The following PLA2G3 variants were observed in gnomAD, a reference collection of about 807,000 sequenced individuals.
The protein encoded by PLA2G3 is group 3 secretory phospholipase A2.
A neutral mutation model predicts 51.3 loss-of-function variants in PLA2G3; 39 were observed. That is an observed-to-expected ratio of 0.76 (90% confidence interval 0.59 to 0.99). The LOEUF is 0.99. Among genes scored for constraint, PLA2G3 ranks in the 50% least tolerant of loss-of-function variants. The pLI, the probability that PLA2G3 is intolerant of heterozygous loss-of-function variation, is 0.00. For missense variants in PLA2G3, 677 were observed against 662.1 expected (o/e 1.02, Z -0.25); for synonymous variants, 293 against 263.1 (o/e 1.11, Z -1.10).
In PLA2G3 at chr22:31,139,935, AG is replaced by A; in HGVS notation, c.419del (p.Pro140LeufsTer213). 6.2e-7 allele frequency: 1 copy of A among 1,613,758 alleles called. No homozygotes were observed. Among genetic ancestry groups the A allele is most frequent in the Non-Finnish European group, 8.5e-7 (1 of 1,179,968 alleles). The part of the protein sequence containing the change: ...KKRAAGQSGV[P>X]GGGHQREKRG... The stretch of plus-strand genomic sequence containing the variant: ...TCTTCTCTCGCTGGTGCCCTCCACC[AG>A]GGACTCCACTCTGCCCTGCTGCTCG... On this transcript the variant is annotated frameshift_variant, in exon 1 of 7. Transcript: ENST00000215885. LOFTEE classifies it high-confidence loss of function.
chr22:31,136,497 G>A (rs182452308), intron 6 of PLA2G3, among the ~76,000 whole-genome samples, 186 bp downstream of exon 6: 344 of 152,258 alleles, frequency 2.3e-3, no homozygotes, highest in Admixed American at 3.6e-3. Flanking sequence ...GCCAAGATGC[G>A]ACCCATAGAG....
At chr22:31,138,543 C>A (rs1438320895) in intron 2 of PLA2G3, 124 bp downstream of exon 2, 2 of 1,500,900 alleles carry the variant, frequency 1.3e-6, no homozygotes, top group Middle Eastern at 1.8e-4. Context: ...GCTTTCCTAC[C>A]TGCACTGTGG....
intron 1 of PLA2G3, 64 bp from the exon 2 acceptor site, chr22:31,138,863 T>C: frequency 6.4e-7 from 1 of 1,562,736 alleles, no homozygotes; most frequent in Non-Finnish European, 8.8e-7. Context: ...GCACCAGCTA[T>C]GCCCCCCTGG....
chr22:31,138,179 C>G, intron 3 of PLA2G3, 97 bp downstream of exon 3: 1 of 1,471,150 alleles, frequency 6.8e-7, no homozygotes, highest in East Asian at 2.4e-5. Context: ...GGACATCATT[C>G]CCTGGAAGAC....
Position 31,140,017 on chromosome 22 carries a change from C to G in PLA2G3, c.338G>C (p.Ser113Thr). The change falls in exon 1 of 7, where the codon AGT becomes ACT. Residue 113 changes from serine to threonine, a missense_variant. Transcript: ENST00000215885. ...AAGCGCTCGGCATGCCTCCCACTGA[C>G]TCTGAAGAGTGGCCAGTGCTCTCTG... Reference protein sequence around the residue: ...ELQRALATLQSQWEACRALEE... With the variant: ...ELQRALATLQTQWEACRALEE... 1.2e-6 allele frequency: 2 copies of G among 1,613,846 alleles called. No individual in the cohort carries two copies.
In PLA2G3 at chr22:31,140,017, C is replaced by T. The variant is rs773358930; in HGVS notation, c.338G>A (p.Ser113Asn). 6.2e-7 allele frequency: 1 copy of T among 1,613,846 alleles called. No homozygotes were observed. Among genetic ancestry groups the T allele is most frequent in the Non-Finnish European group, 8.5e-7 (1 of 1,180,048 alleles). Reference protein sequence around the residue: ...ELQRALATLQSQWEACRALEE... With the variant: ...ELQRALATLQNQWEACRALEE... ...AAGCGCTCGGCATGCCTCCCACTGACTCTGAAGAGTGGCCAGTGCTCTCTG... is the reference window on the plus strand; with the variant it reads ...AAGCGCTCGGCATGCCTCCCACTGATTCTGAAGAGTGGCCAGTGCTCTCTG... Residue 113 changes from serine to asparagine, a missense_variant, in exon 1 of 7, where the codon AGT becomes AAT. Transcript: ENST00000215885.
chr22:31,136,670 T>G lies in PLA2G3; in HGVS notation c.1316+13A>C. 6 of 1,606,704 alleles carry G rather than the reference T, an allele frequency of 3.7e-6. No homozygotes were observed. Among genetic ancestry groups the G allele is most frequent in the Non-Finnish European group, 5.1e-6 (6 of 1,173,530 alleles). ...GAAAACCCCCCATCCCTCCTGGCTCTGACATCACTTACTTTTTGCCTTCCA... is the reference window on the plus strand; with the variant it reads ...GAAAACCCCCCATCCCTCCTGGCTCGGACATCACTTACTTTTTGCCTTCCA... On this transcript the variant is annotated intron_variant, in intron 6 of 6. Coordinates refer to ENST00000215885, the MANE Select transcript of PLA2G3 (RefSeq NM_015715.5).
In PLA2G3 at chr22:31,137,985, A is replaced by G; in HGVS notation, c.791T>C (p.Met264Thr). The G allele has an allele frequency of 6.5e-7, 1 of 1,549,120 alleles. No individual in the cohort carries two copies. The highest frequency in any genetic ancestry group is 8.7e-7 in the Non-Finnish European group (1 of 1,152,326). ...VAWYWWGGCR[M>T]YGTVPLARLQ... ...GCGAGCGAGGGGCACTGTGCCGTAC[A>G]TCCTACACCTGGGTGGTGGCAGTTG... The change falls in exon 4 of 7, where the codon ATG becomes ACG. Residue 264 changes from methionine to threonine, a missense_variant. Physicochemically the swap from Met to Thr is moderately conservative, Grantham distance 81. Coordinates refer to ENST00000215885, the MANE Select transcript of PLA2G3 (RefSeq NM_015715.5).
At chr22:31,137,076 CCA>C (rs1036870796) in intron 4 of PLA2G3, 36 bp from the exon 5 acceptor site, 1 of 1,480,486 alleles carries the variant, frequency 6.8e-7, no homozygotes, top group African/African-American at 1.4e-5. Flanking sequence ...GGAGCCCAAT[CCA>C]CCAGGGAGGC....
At chr22:31,138,620 ACT>A (rs758617786) in intron 2 of PLA2G3, 45 bp downstream of exon 2, 139 of 1,608,898 alleles carry the variant, frequency 8.6e-5, no homozygotes, top group Non-Finnish European at 2.4e-5. Context: ...GAACTGGGTA[ACT>A]CTGCCCTGTC....
At chr22:31,138,903 C>G in intron 1 of PLA2G3, 104 bp from the exon 2 acceptor site, 1 of 1,151,798 alleles carries the variant, frequency 8.7e-7, no homozygotes, top group Non-Finnish European at 1.3e-6. Context: ...TGGTTCTCAC[C>G]CCAGCCCTGA....
At chr22:31,139,807 G>C in intron 1 of PLA2G3, 34 bp downstream of exon 1, 3 of 1,505,936 alleles carry the variant, frequency 2.0e-6, no homozygotes, top group Non-Finnish European at 2.7e-6. Flanking sequence ...TTCCCCGATC[G>C]GACCCCCCAG....
chr22:31,140,450 C>T lies in PLA2G3; in HGVS notation c.-96G>A. 4 of 1,395,546 alleles carry T rather than the reference C, an allele frequency of 2.9e-6. No homozygotes were observed. In the South Asian group the frequency reaches 4.2e-5, roughly 15 times the overall value. The allele number at this position is 1,395,546 out of a possible 1,614,324, so 86.4% of individuals were successfully genotyped here. On this transcript the variant is annotated 5_prime_UTR_variant, in exon 1 of 7. Transcript: ENST00000215885. ...GCTGAGCAGTGGAACGGAAGCGGAG[C>T]CCAGCAGGCCCGGTGCGGCGGGACC...
Position 31,139,960 on chromosome 22 carries a change from C to A in PLA2G3, c.395G>T (p.Arg132Leu). 6.2e-7 allele frequency: 1 copy of A among 1,614,010 alleles called. No homozygotes were observed. The highest frequency in any genetic ancestry group is 8.5e-7 in the Non-Finnish European group (1 of 1,180,010). The change falls in exon 1 of 7, where the codon CGA (arginine) becomes CTA (leucine). Residue 132 changes from arginine to leucine, a missense_variant. Physicochemically the swap from Arg to Leu is moderately radical, Grantham distance 102. Transcript: ENST00000215885. The stretch of plus-strand genomic sequence containing the variant: ...AGGGACTCCACTCTGCCCTGCTGCT[C>A]GCTTCTTCCTGGCCCCTGCTGGACT... The part of the protein sequence containing the change: ...EESPAGARKK[R>L]AAGQSGVPGG...
Position 31,140,004 on chromosome 22 carries a change from T to A in PLA2G3, c.351A>T (p.Ala117=). The A allele has an allele frequency of 6.2e-7, 1 of 1,613,788 alleles. No homozygotes were observed. The highest frequency in any genetic ancestry group is 8.5e-7 in the Non-Finnish European group (1 of 1,180,034). The change falls in exon 1 of 7, where the codon GCA becomes GCT. Residue 117 remains alanine (A), a synonymous_variant. Transcript: ENST00000215885. ...ALATLQSQWE[A]CRALEESPAG... is the part of the protein sequence containing the mutation. ...CTGGACTCTCCTCAAGCGCTCGGCATGCCTCCCACTGACTCTGAAGAGTGG... is the reference window on the plus strand; with the variant it reads ...CTGGACTCTCCTCAAGCGCTCGGCAAGCCTCCCACTGACTCTGAAGAGTGG...
intron 6 of PLA2G3, 89 bp from the exon 7 acceptor site, chr22:31,136,025 A>G: frequency 1.8e-6 from 2 of 1,121,692 alleles, no homozygotes; most frequent in Non-Finnish European, 2.6e-6. Flanking sequence ...CCAGAGAGAG[A>G]GGGGGCTGGG....
chr22:31,136,834 C>A, intron 5 of PLA2G3, 35 bp from the exon 6 acceptor site: 2 of 1,602,166 alleles, frequency 1.2e-6, no homozygotes, highest in Admixed American at 1.8e-5. Flanking sequence ...CGGGGCAGGG[C>A]CTTGCCAGCC....
At position 31,135,594 on chromosome 22, in the gene PLA2G3, C is replaced by G; in HGVS notation, c.*129G>C. 1.4e-6 allele frequency: 1 copy of G among 719,150 alleles called. No homozygotes were observed. The highest frequency in any genetic ancestry group is 2.4e-6 in the Non-Finnish European group (1 of 411,238). 44.5% of individuals were successfully genotyped at this position (719,150 alleles called of 1,614,324 possible). On this transcript the variant is annotated 3_prime_UTR_variant, in exon 7 of 7. Coordinates refer to ENST00000215885, the MANE Select transcript of PLA2G3 (RefSeq NM_015715.5). ...TGGGCCTTGAGATCCCCCCATTCATCCTCTTGATTGTCCACAACAGCCTCT... is the reference window on the plus strand; with the variant it reads ...TGGGCCTTGAGATCCCCCCATTCATGCTCTTGATTGTCCACAACAGCCTCT...
chr22:31,137,663 G>GAC, intron 4 of PLA2G3, 47 bp downstream of exon 4: 1 of 1,520,608 alleles, frequency 6.6e-7, no homozygotes, highest in Non-Finnish European at 8.8e-7. Context: ...CAGAAGCAGG[G>GAC]ACACCCCCTC....
Sources: gnomAD v4.1 joint callset for allele counts (sites outside exome capture counted in the v4.1 genomes callset) on GRCh38, gnomAD v4.1.1 for gene constraint, MANE v1.5 for transcripts, NCBI Gene and HGNC (gene_info 2026-07-23, HGNC 2026-07-21) for gene names.